PCDHGA8: variants seen among roughly 807,000 people sequenced by gnomAD.
PCDHGA8 encodes protocadherin gamma-A8.
A neutral mutation model predicts 59.2 loss-of-function variants in PCDHGA8; 45 were observed. The observed-to-expected ratio is 0.76, with a 90% CI of 0.60 to 0.98. The LOEUF (loss-of-function observed/expected upper bound fraction) is 0.98. Ranked by LOEUF, PCDHGA8 falls within the 50% of genes least tolerant of loss-of-function variation. PCDHGA8 has a pLI of 0.00. For missense variants in PCDHGA8, 1,257 were observed against 1,196.2 expected (o/e 1.05, Z -0.75); for synonymous variants, 531 against 519.0 (o/e 1.02, Z -0.32).
At chr5:141,500,340 C>A (rs188966393) in intron 2 of PCDHGA8, among the ~76,000 whole-genome samples, 92 of 152,066 alleles carry the variant, frequency 6.0e-4, no homozygotes, top group African/African-American at 2.1e-3. Flanking sequence ...TCCAGAATAG[C>A]TGGGACTACA....
Position 141,477,912 on chromosome 5 carries a change from A to T in PCDHGA8, c.2425-16895A>T. The T allele has an allele frequency of 6.2e-7, 1 of 1,614,166 alleles. No individual in the cohort carries two copies. Among genetic ancestry groups the T allele is most frequent in the Non-Finnish European group, 8.5e-7 (1 of 1,180,022 alleles). ...TCACGGGTGGTAGGCTGGGACGCGGATGCAGGGCACAATGCCTGGCTCTCC... is the reference window on the plus strand; with the variant it reads ...TCACGGGTGGTAGGCTGGGACGCGGTTGCAGGGCACAATGCCTGGCTCTCC... On this transcript the variant is annotated intron_variant, in intron 1 of 3. Coordinates refer to ENST00000398604, the MANE Select transcript of PCDHGA8 (RefSeq NM_032088.2). This position sits in a 1 kb window ranked among gnomAD's most constrained non-coding sequence, Gnocchi z 4.9.
chr5:141,406,375 T>C (rs1427638211), intron 1 of PCDHGA8, among the ~76,000 whole-genome samples: 1 of 152,186 alleles, frequency 6.6e-6, no homozygotes, highest in Non-Finnish European at 1.5e-5. Flanking sequence ...GGTAAACTGA[T>C]AAAAAGGTAA....
At chr5:141,405,795 G>T (rs2094718009) in intron 1 of PCDHGA8, among the ~76,000 whole-genome samples, 1 of 149,108 alleles carries the variant, frequency 6.7e-6, no homozygotes, top group African/African-American at 2.4e-5. Context: ...TTCTATTATA[G>T]TTAGCTTTCT....
chr5:141,460,592 G>C (rs796171299), intron 1 of PCDHGA8, among the ~76,000 whole-genome samples: 12 of 151,976 alleles, frequency 7.9e-5, no homozygotes, highest in African/African-American at 2.9e-4. Flanking sequence ...GTTTTTTCTG[G>C]GCTCTCTGTG....
At chr5:141,478,468 C>A (rs2099457906) in intron 1 of PCDHGA8, 2 of 1,613,800 alleles carry the variant, frequency 1.2e-6, no homozygotes, top group Admixed American at 1.7e-5. Flanking sequence ...CACTGGCCAG[C>A]CGCCAGAACA....
At chr5:141,433,400 TATCTATTA>T (rs1426636766) in intron 1 of PCDHGA8, among the ~76,000 whole-genome samples, 16 of 151,506 alleles carry the variant, frequency 1.1e-4, no homozygotes, top group African/African-American at 3.4e-4. Context: ...TCTATCTATC[TATCTATTA>T]CTTTCTTGTA....
chr5:141,432,053 C>T lies in PCDHGA8; in HGVS notation c.2424+36816C>T. The T allele has an allele frequency of 6.2e-7, 1 of 1,614,240 alleles. No homozygotes were observed. Among genetic ancestry groups the T allele is most frequent in the South Asian group, 1.1e-5 (1 of 91,082 alleles). ...CGCCACTGACCGGGGAACCCCGCCC[C>T]TATCCACGGAAACTCATATCTCGCT... On this transcript the variant is annotated intron_variant, in intron 1 of 3. Transcript: ENST00000398604. The surrounding 1 kb of genome is among the most constrained non-coding windows in gnomAD (Gnocchi z 6.0).
chr5:141,443,251 C>T (rs200319609), intron 1 of PCDHGA8, among the ~76,000 whole-genome samples: 7 of 150,782 alleles, frequency 4.6e-5, no homozygotes, highest in East Asian at 3.9e-4. Flanking sequence ...GGCGCCAAGG[C>T]GGGTGGATCA....
rs779949817 is a variant in PCDHGA8 at position 141,487,266 on chromosome 5, T to G, written c.2425-7541T>G. The G allele has an allele frequency of 6.2e-7, 1 of 1,614,054 alleles. No individual in the cohort carries two copies. The highest frequency in any genetic ancestry group is 8.5e-7 in the Non-Finnish European group (1 of 1,180,044). On this transcript the variant is annotated intron_variant, in intron 1 of 3. Transcript: ENST00000398604. This position sits in a 1 kb window ranked among gnomAD's most constrained non-coding sequence, Gnocchi z 5.0. The stretch of plus-strand genomic sequence containing the variant: ...ACCCTCTACTTGGCTGTGTCCCTAG[T>G]GGCAATTTGCTTTGTCTCCTTTGGC...
At chr5:141,426,826 T>C (rs2096963111) in intron 1 of PCDHGA8, 1 of 456,600 alleles carries the variant, frequency 2.2e-6, no homozygotes, top group Admixed American at 2.3e-5. Flanking sequence ...TCTCTGATGA[T>C]GGACAAGACT....
chr5:141,498,146 G>A (rs924380243), intron 2 of PCDHGA8, among the ~76,000 whole-genome samples: 1 of 152,200 alleles, frequency 6.6e-6, no homozygotes, highest in Non-Finnish European at 1.5e-5. Context: ...GGACATCCTG[G>A]AAATGAAGTT....
chr5:141,413,533 C>T (rs777022301), intron 1 of PCDHGA8: 1 of 1,613,934 alleles, frequency 6.2e-7, no homozygotes, highest in Admixed American at 1.7e-5. Context: ...CAGGGTGAAA[C>T]TTTTTGGGAT....
rs1212833348 is a variant in PCDHGA8 at position 141,431,379 on chromosome 5, C to T, written c.2424+36142C>T. On this transcript the variant is annotated intron_variant, in intron 1 of 3. Transcript: ENST00000398604. The surrounding 1 kb of genome is among the most constrained non-coding windows in gnomAD (Gnocchi z 4.8). ...GCCCTGGACCGCGAAGAAAAGGCTG[C>T]TCACCACCTGGTCCTTACGGCCTCC... is the stretch of plus-strand genomic sequence containing the variant. 3 of 1,613,946 alleles carry T rather than the reference C, an allele frequency of 1.9e-6. No individual in the cohort carries two copies. Among genetic ancestry groups the T allele is most frequent in the Non-Finnish European group, 2.5e-6 (3 of 1,180,020 alleles).
intron 1 of PCDHGA8, chr5:141,417,791 C>T: frequency 6.7e-7 from 1 of 1,482,658 alleles, no homozygotes; most frequent in Non-Finnish European, 9.0e-7. Context: ...GCCGAATGCT[C>T]TTTTAGCGCG....
At chr5:141,441,916 C>T (rs1340767725) in intron 1 of PCDHGA8, 9 of 352,248 alleles carry the variant, frequency 2.6e-5, no homozygotes, top group Non-Finnish European at 4.9e-5. Context: ...AGATGTGAGA[C>T]ACAATGCGTG....
intron 1 of PCDHGA8, chr5:141,421,919 TG>T: frequency 6.2e-7 from 1 of 1,613,642 alleles, no homozygotes; most frequent in Non-Finnish European, 8.5e-7. Flanking sequence ...CCCATTCGTG[TG>T]GTGGTCCTCG....
At chr5:141,399,641 C>T (rs747527070) in intron 1 of PCDHGA8, 5 of 1,613,852 alleles carry the variant, frequency 3.1e-6, no homozygotes, top group Non-Finnish European at 4.2e-6. Context: ...TCCATGAGCG[C>T]GCAAAGTGGG....
rs772255343 is a variant in PCDHGA8, at chr5:141,432,272, G to C, written c.2424+37035G>C. On this transcript the variant is annotated intron_variant, in intron 1 of 3. Coordinates refer to ENST00000398604, the MANE Select transcript of PCDHGA8 (RefSeq NM_032088.2). This position sits in a 1 kb window ranked among gnomAD's most constrained non-coding sequence, Gnocchi z 6.0. ...CCAAGGGGCAAGCCTATCGTCCTAC[G>C]TGTCCATCAACTCCGACACTGGGGT... The C allele has an allele frequency of 3.1e-6, 5 of 1,614,210 alleles. No individual in the cohort carries two copies. Among genetic ancestry groups the C allele is most frequent in the Non-Finnish European group, 4.2e-6 (5 of 1,180,042 alleles).
In PCDHGA8 at chr5:141,489,077, C is replaced by CCCCCCACCGGG; in HGVS notation, c.2425-5730_2425-5729insCCCCCACCGGG. ...AGCTCCCCTCCCCCCTGCCCACCCCCGCCACTCGGTGACTAAGAACTGCTG... is the reference window on the plus strand; with the variant it reads ...AGCTCCCCTCCCCCCTGCCCACCCCCCCCCCACCGGGGCCACTCGGTGACTAAGAACTGCTG... On this transcript the variant is annotated intron_variant, in intron 1 of 3. Transcript: ENST00000398604. The surrounding 1 kb of genome is among the most constrained non-coding windows in gnomAD (Gnocchi z 4.5). 6.1e-6 allele frequency: 2 copies of CCCCCCACCGGG among 325,756 alleles called. No individual in the cohort carries two copies. Among genetic ancestry groups the CCCCCCACCGGG allele is most frequent in the Non-Finnish European group, 5.5e-6 (1 of 181,460 alleles). The allele number at this position is 325,756 out of a possible 1,614,324, so 20.2% of individuals were successfully genotyped here.
Sources: gnomAD v4.1 joint callset for allele counts (sites outside exome capture counted in the v4.1 genomes callset) on GRCh38, gnomAD v4.1.1 for gene constraint, Gnocchi (gnomAD v3.1) non-coding constraint, MANE v1.5 for transcripts, NCBI Gene and HGNC (gene_info 2026-07-23, HGNC 2026-07-21) for gene names.